Variants in ARHGAP23 observed in about 807,000 individuals in gnomAD.
The protein encoded by ARHGAP23 is rho GTPase-activating protein 23.
Under a neutral mutation model 136.3 loss-of-function variants are expected in ARHGAP23, and 34 were observed. The observed-to-expected ratio is 0.25, with a 90% CI of 0.19 to 0.33. The LOEUF (loss-of-function observed/expected upper bound fraction) is 0.33, where lower values mean the gene tolerates loss of function less well. Among genes scored for constraint, ARHGAP23 ranks in the 10% least tolerant of loss-of-function variants. The pLI, the probability that ARHGAP23 is intolerant of heterozygous loss-of-function variation, is 1.00. For synonymous variants in ARHGAP23, 832 were observed against 920.5 expected (o/e 0.90, Z 1.74); for missense variants, 1,808 against 2,139.0 (o/e 0.85, Z 3.05).
At chr17:38,420,944 G>A (rs1035084823) in intron 1 of ARHGAP23, among the ~76,000 whole-genome samples, 1 of 152,140 alleles carries the variant, frequency 6.6e-6, no homozygotes, top group Non-Finnish European at 1.5e-5. Flanking sequence ...AAGAGGGGCA[G>A]GGCTAGGGGC....
intron 2 of ARHGAP23, 72 bp downstream of exon 2, chr17:38,458,335 C>A: frequency 6.9e-7 from 1 of 1,440,350 alleles, no homozygotes. Flanking sequence ...TGTGCCAGTC[C>A]CCTTCATGGT....
Position 38,498,547 on chromosome 17 carries a change from T to G in ARHGAP23, c.3415+37T>G, listed in dbSNP as rs755000919. On this transcript the variant is annotated intron_variant, in intron 22 of 23. Coordinates refer to ENST00000622683, the MANE Select transcript of ARHGAP23 (RefSeq NM_001199417.2). ...GGCCTGGGAGTGGGGAGGCGGGAGG[T>G]TGGACACTGCATTCCTGAGGGTCCC... The G allele has an allele frequency of 5.5e-6, 8 of 1,462,994 alleles. No individual in the cohort carries two copies. In the South Asian group the frequency reaches 6.6e-5, roughly 12 times the overall value. 90.6% of individuals were successfully genotyped at this position (1,462,994 alleles called of 1,614,324 possible).
chr17:38,438,263 G>A (rs1156466677), intron 1 of ARHGAP23, among the ~76,000 whole-genome samples: 2 of 150,030 alleles, frequency 1.3e-5, no homozygotes, highest in Non-Finnish European at 2.9e-5. Flanking sequence ...GGAAGTTGCA[G>A]CGAGCCAAGA....
At chr17:38,479,348 A>G (rs2039975134) in intron 12 of ARHGAP23, 88 bp from the exon 13 acceptor site, 2 of 1,180,562 alleles carry the variant, frequency 1.7e-6, no homozygotes, top group African/African-American at 3.1e-5. Flanking sequence ...TGGCAGGTGG[A>G]CAAGAGGGGA....
chr17:38,477,113 T>C lies in ARHGAP23; in HGVS notation c.2119-466T>C, dbSNP rs1156972574. 6.6e-6 allele frequency among the ~76,000 whole-genome samples: 1 copy of C among 151,918 alleles called. No individual in the cohort carries two copies. Among genetic ancestry groups the C allele is most frequent in the Admixed American group, 6.6e-5 (1 of 15,254 alleles). Reference sequence around the variant, plus strand: ...TTCTGGGTGTCCCTGAGAAGGAGCTTCTGGGCAAGTGGAGTCTTGGGTGGG... The same window carrying C: ...TTCTGGGTGTCCCTGAGAAGGAGCTCCTGGGCAAGTGGAGTCTTGGGTGGG... On this transcript the variant is annotated intron_variant, in intron 11 of 23. Transcript: ENST00000622683. The surrounding 1 kb of genome is among the most constrained non-coding windows in gnomAD (Gnocchi z 6.6).
rs548809774 is a variant in ARHGAP23, at chr17:38,481,536, G to A, written c.2630-486G>A. Among the ~76,000 whole-genome samples, 730 of 152,322 alleles carry A rather than the reference G, an allele frequency of 4.8e-3. 5 individuals are homozygous for A. The highest frequency in any genetic ancestry group is 0.017 in the African/African-American group (701 of 41,572). ...CGAACTCCTGGCCTCATGTGGTCCT[G>A]CCGGCCTCAGCTTCCCAAAGTGCTG... On this transcript the variant is annotated intron_variant, in intron 14 of 23. Coordinates refer to ENST00000622683, the MANE Select transcript of ARHGAP23 (RefSeq NM_001199417.2).
At chr17:38,434,815 C>A (rs1179963814) in intron 1 of ARHGAP23, among the ~76,000 whole-genome samples, 1 of 152,188 alleles carries the variant, frequency 6.6e-6, no homozygotes, top group Non-Finnish European at 1.5e-5. Flanking sequence ...TGGAAAGAAT[C>A]GGGTGTGGAC....
chr17:38,425,388 G>A (rs535493037), upstream of ARHGAP23, among the ~76,000 whole-genome samples: 2 of 152,294 alleles, frequency 1.3e-5, no homozygotes, highest in Non-Finnish European at 2.9e-5. Context: ...ACCTCCTGGG[G>A]AAGCCTCCTC....
intron 20 of ARHGAP23, among the ~76,000 whole-genome samples, chr17:38,496,348 C>A (rs1050471136): frequency 2.0e-5 from 3 of 151,886 alleles, no homozygotes; most frequent in Non-Finnish European, 4.4e-5. Context: ...GTGGCACATG[C>A]CTGTAGTCCC....
intron 1 of ARHGAP23, among the ~76,000 whole-genome samples, chr17:38,450,044 G>T (rs937687034): frequency 1.2e-4 from 18 of 152,160 alleles, no homozygotes; most frequent in Non-Finnish European, 8.8e-5. Flanking sequence ...AGCCTGGGAG[G>T]TGTCTGGCCC....
rs1184835602 is a variant in ARHGAP23, at chr17:38,510,140, G to A, written c.3644G>A (p.Gly1215Glu). Residue 1215 changes from glycine (G) to glutamate (E), a missense_variant, in exon 24 of 24, where the codon GGG becomes GAG. Transcript: ENST00000622683. The surrounding 1 kb of genome is among the most constrained non-coding windows in gnomAD (Gnocchi z 4.6). ...TAPGTQERPQ[G>E]PLPGAVAPEA... ...CCGGGGACTCAGGAGCGGCCGCAGG[G>A]GCCGCTGCCTGGCGCCGTCGCCCCC... 4 of 1,272,760 alleles carry A rather than the reference G, an allele frequency of 3.1e-6. No homozygotes were observed. Among genetic ancestry groups the A allele is most frequent in the Admixed American group, 4.2e-5 (1 of 23,838 alleles). 78.8% of individuals were successfully genotyped at this position (1,272,760 alleles called of 1,614,324 possible).
rs2144837275 is a variant in ARHGAP23 at position 38,511,111 on chromosome 17, A to C, written c.*139A>C. On this transcript the variant is annotated 3_prime_UTR_variant, in exon 24 of 24. Transcript: ENST00000622683. Reference sequence around the variant, plus strand: ...GGAGGGCGCAGCAGGCAGTGTCTCTAGTTGGTGTGCTGGAACTGGCAGGGC... The same window carrying C: ...GGAGGGCGCAGCAGGCAGTGTCTCTCGTTGGTGTGCTGGAACTGGCAGGGC... The C allele has an allele frequency of 2.1e-6, 2 of 936,064 alleles. No individual in the cohort carries two copies. Among genetic ancestry groups the C allele is most frequent in the Non-Finnish European group, 2.9e-6 (2 of 681,262 alleles). 58.0% of individuals were successfully genotyped at this position (936,064 alleles called of 1,614,324 possible). A position where few individuals can be genotyped will look rare whatever the true frequency, so the allele number is the denominator to read the frequency against.
At chr17:38,457,801 T>G in intron 1 of ARHGAP23, 1 of 503,532 alleles carries the variant, frequency 2.0e-6, no homozygotes, top group East Asian at 3.7e-5. Context: ...TCAGTGAACA[T>G]TTGCTGAACT....
intron 1 of ARHGAP23, among the ~76,000 whole-genome samples, chr17:38,447,998 G>A (rs529369047): frequency 3.9e-5 from 6 of 152,322 alleles, no homozygotes; most frequent in African/African-American, 1.4e-4. Flanking sequence ...TCTGGCACTG[G>A]AGACCCTGCC....
intron 1 of ARHGAP23, among the ~76,000 whole-genome samples, chr17:38,443,862 C>T (rs918771422): frequency 6.6e-6 from 1 of 152,102 alleles, no homozygotes; most frequent in Non-Finnish European, 1.5e-5. Flanking sequence ...GCACCTGTTA[C>T]CTCTGCCCAG....
At chr17:38,507,093 G>C (rs2040650270) in intron 23 of ARHGAP23, among the ~76,000 whole-genome samples, 1 of 152,002 alleles carries the variant, frequency 6.6e-6, no homozygotes, top group Non-Finnish European at 1.5e-5. Flanking sequence ...AGCCAACATG[G>C]TGAAACCCCG....
In ARHGAP23 at chr17:38,511,066, C is replaced by G; in HGVS notation, c.*94C>G. ...AGCCTGCACCTCCTCTTCTGTGGCC[C>G]CTGGGTGCATGGTGTGGGTGGAGGG... On this transcript the variant is annotated 3_prime_UTR_variant, in exon 24 of 24. Coordinates refer to ENST00000622683, the MANE Select transcript of ARHGAP23 (RefSeq NM_001199417.2). The G allele has an allele frequency of 7.9e-7, 1 of 1,273,416 alleles. No individual in the cohort carries two copies. The highest frequency in any genetic ancestry group is 1.0e-6 in the Non-Finnish European group (1 of 985,228). 78.9% of individuals were successfully genotyped at this position (1,273,416 alleles called of 1,614,324 possible).
chr17:38,430,089 T>C (rs1468980703), intron 1 of ARHGAP23, among the ~76,000 whole-genome samples: 1 of 152,218 alleles, frequency 6.6e-6, no homozygotes, highest in Non-Finnish European at 1.5e-5. Context: ...TCTGAGGACC[T>C]GACCTCTTCT....
At chr17:38,460,757 C>A in intron 2 of ARHGAP23, 148 bp from the exon 3 acceptor site, 1 of 1,483,652 alleles carries the variant, frequency 6.7e-7, no homozygotes, top group Non-Finnish European at 9.0e-7. Context: ...GCCCCTCGGA[C>A]ACCCCTCCCG....
Sources: allele counts gnomAD v4.1 joint callset (sites outside exome capture counted in the v4.1 genomes callset), GRCh38; gene constraint gnomAD v4.1.1; non-coding constraint Gnocchi (gnomAD v3.1); transcripts MANE v1.5; gene names NCBI Gene and HGNC (gene_info 2026-07-23, HGNC 2026-07-21).